NUP153: variants seen among roughly 807,000 people sequenced by gnomAD.
NUP153 encodes nuclear pore complex protein Nup153.
NUP153 carries 27 observed loss-of-function variants against 134.6 expected under a neutral mutation model. The observed-to-expected ratio is 0.20, with a 90% confidence interval of 0.15 to 0.28. The LOEUF (loss-of-function observed/expected upper bound fraction) is 0.28, where lower values mean the gene tolerates loss of function less well. Ranked by LOEUF, NUP153 falls within the 10% of genes least tolerant of loss-of-function variation. The probability of loss-of-function intolerance (pLI) is 1.00; values close to 1 mark genes in which losing one functional copy is unlikely to be tolerated. For missense variants in NUP153, 1,821 were observed against 1,731.3 expected (o/e 1.05, Z -0.92); for synonymous variants, 640 against 623.5 (o/e 1.03, Z -0.40).
At chr6:17,688,732 C>T in intron 1 of NUP153, 114 bp from the exon 2 acceptor site, 1 of 725,842 alleles carries the variant, frequency 1.4e-6, no homozygotes, top group Non-Finnish European at 2.3e-6. Context: ...ACAAGTTTGC[C>T]AAAATTCAGT....
intron 11 of NUP153, among the ~76,000 whole-genome samples, chr6:17,661,450 G>T (rs566681888): frequency 2.0e-5 from 3 of 152,184 alleles, no homozygotes; most frequent in Non-Finnish European, 4.4e-5. Flanking sequence ...AAAAGTATGG[G>T]TAGTTTTGTT....
At chr6:17,637,875 C>CTACA in intron 15 of NUP153, 105 bp from the exon 16 acceptor site, 1 of 1,243,220 alleles carries the variant, frequency 8.0e-7, no homozygotes, top group Non-Finnish European at 1.1e-6. Context: ...TGCACACTTA[C>CTACA]TACAATCCAA....
At position 17,629,467 on chromosome 6, in the gene NUP153, G is replaced by C; in HGVS notation, c.2732C>G (p.Ser911Cys). 6.2e-7 allele frequency: 1 copy of C among 1,610,988 alleles called. No individual in the cohort carries two copies. The highest frequency in any genetic ancestry group is 8.5e-7 in the Non-Finnish European group (1 of 1,179,304). ...SSFKFGVSSSSSGPSQTLTST... is the reference protein window; with the variant it reads ...SSFKFGVSSSCSGPSQTLTST... ...TGTTAAAGTCTGAGAAGGCCCAGAA[G>C]AGGATGATGAGACACCAAATTTGAA... The change falls in exon 18 of 22, where the codon TCT (serine) becomes TGT (cysteine). Residue 911 changes from serine (S) to cysteine (C), a missense_variant. Physicochemically the swap from Ser to Cys is moderately radical, Grantham distance 112. Coordinates refer to ENST00000262077, the MANE Select transcript of NUP153 (RefSeq NM_005124.4).
chr6:17,656,550 A>AT (rs1195130359), intron 11 of NUP153, among the ~76,000 whole-genome samples: 1 of 151,860 alleles, frequency 6.6e-6, no homozygotes, highest in African/African-American at 2.4e-5. Context: ...AATTTTTGTT[A>AT]TTTTTTTGTA....
rs761751293 is a variant in NUP153 at position 17,669,384 on chromosome 6, C to G, written c.969+46G>C. ...CAAAATTAAGATTTTTCAATAATATCAAGTTTTGTTACACTCCTGTATTAA... is the reference window on the plus strand; with the variant it reads ...CAAAATTAAGATTTTTCAATAATATGAAGTTTTGTTACACTCCTGTATTAA... On this transcript the variant is annotated intron_variant, in intron 6 of 21. Transcript: ENST00000262077. The G allele has an allele frequency of 6.3e-6, 10 of 1,596,676 alleles. No individual in the cohort carries two copies. The African/African-American group carries it at 6.7e-5, about 11-fold the overall frequency.
intron 1 of NUP153, among the ~76,000 whole-genome samples, chr6:17,701,513 T>C (rs561669460): frequency 6.6e-6 from 1 of 151,448 alleles, no homozygotes; most frequent in Non-Finnish European, 1.5e-5. Flanking sequence ...AATACAAAAA[T>C]TAGCTGGGCG....
At chr6:17,619,185 T>G (rs1005319223) in intron 20 of NUP153, among the ~76,000 whole-genome samples, 2 of 152,182 alleles carry the variant, frequency 1.3e-5, no homozygotes, top group African/African-American at 4.8e-5. Flanking sequence ...CAGAAAAGTC[T>G]ACAATGGAGA....
intron 13 of NUP153, 84 bp from the exon 14 acceptor site, chr6:17,646,238 T>G: frequency 1.5e-6 from 1 of 664,154 alleles, no homozygotes; most frequent in African/African-American, 1.9e-5. Context: ...GACGGAGTCT[T>G]ACTCTGTCGC....
chr6:17,617,782 A>G (rs770076031), intron 20 of NUP153, among the ~76,000 whole-genome samples: 6 of 152,006 alleles, frequency 3.9e-5, no homozygotes, highest in Non-Finnish European at 8.8e-5. Flanking sequence ...GAGGTCGAGG[A>G]CGCAGTGTGC....
chr6:17,658,671 A>G (rs936374054), intron 11 of NUP153, among the ~76,000 whole-genome samples: 9 of 152,206 alleles, frequency 5.9e-5, no homozygotes, highest in African/African-American at 2.2e-4. Flanking sequence ...AAGGTGAAAA[A>G]GCTCAATAAG....
chr6:17,654,544 A>T (rs1766695885), intron 11 of NUP153, among the ~76,000 whole-genome samples: 1 of 152,046 alleles, frequency 6.6e-6, no homozygotes, highest in Non-Finnish European at 1.5e-5. Context: ...CTGGTCTCGA[A>T]TTCCTGACCT....
intron 11 of NUP153, among the ~76,000 whole-genome samples, chr6:17,660,790 A>G (rs890800978): frequency 1.3e-5 from 2 of 152,150 alleles, no homozygotes; most frequent in African/African-American, 4.8e-5. Flanking sequence ...ATCATCCCCT[A>G]TAATCCAACA....
intron 1 of NUP153, among the ~76,000 whole-genome samples, chr6:17,701,837 G>GA (rs922967651): frequency 9.4e-6 from 1 of 106,644 alleles, no homozygotes; most frequent in African/African-American, 3.6e-5. Context: ...TGTCTCGGGG[G>GA]GGGGGGGAAA....
At position 17,663,260 on chromosome 6, in the gene NUP153, CAT is replaced by C. The variant is rs1554141763; in HGVS notation, c.1216-1192_1216-1191del. Among the ~76,000 whole-genome samples the C allele has an allele frequency of 4.3e-3, 598 of 140,070 alleles. 5 individuals are homozygous for C. Among genetic ancestry groups the C allele is most frequent in the African/African-American group, 0.012 (469 of 38,254 alleles). The allele number at this position is 140,070 out of a possible 152,430, so 91.9% of individuals were successfully genotyped here. A position where few individuals can be genotyped will look rare whatever the true frequency, so the allele number is the denominator to read the frequency against. On this transcript the variant is annotated intron_variant, in intron 9 of 21. Coordinates refer to ENST00000262077, the MANE Select transcript of NUP153 (RefSeq NM_005124.4). ...ACACACACACACACACACACACACA[CAT>C]ATATATATATATATTTTGAGTCAGG... is the stretch of plus-strand genomic sequence containing the variant.
At chr6:17,666,193 T>C (rs1359577691) in intron 8 of NUP153, among the ~76,000 whole-genome samples, 1 of 152,022 alleles carries the variant, frequency 6.6e-6, no homozygotes, top group African/African-American at 2.4e-5. Flanking sequence ...TTACTGTCCA[T>C]ATTTTTTGAG....
intron 20 of NUP153, among the ~76,000 whole-genome samples, chr6:17,622,905 T>C (rs564481742): frequency 4.4e-4 from 67 of 151,890 alleles, no homozygotes; most frequent in African/African-American, 1.6e-3. Flanking sequence ...CCGAGGTGGG[T>C]GGATCATGAG....
At chr6:17,662,730 G>A (rs1013895421) in intron 9 of NUP153, among the ~76,000 whole-genome samples, 2 of 152,148 alleles carry the variant, frequency 1.3e-5, no homozygotes, top group African/African-American at 2.4e-5. Flanking sequence ...CCAGGAATGG[G>A]ACAAACTGGT....
At chr6:17,702,617 A>G (rs532685205) in intron 1 of NUP153, among the ~76,000 whole-genome samples, 72 of 152,192 alleles carry the variant, frequency 4.7e-4, no homozygotes, top group Middle Eastern at 3.4e-3. Context: ...CAGAGGTTGC[A>G]CTGAGCCGAG....
chr6:17,645,042 G>C (rs547662805), intron 14 of NUP153, among the ~76,000 whole-genome samples: 3 of 151,808 alleles, frequency 2.0e-5, no homozygotes, highest in Non-Finnish European at 4.4e-5. Context: ...CCAAGATTAC[G>C]CCACTGTACT....
Sources: allele counts gnomAD v4.1 joint callset (sites outside exome capture counted in the v4.1 genomes callset), GRCh38; gene constraint gnomAD v4.1.1; transcripts MANE v1.5; gene names NCBI Gene and HGNC (gene_info 2026-07-23, HGNC 2026-07-21).